Variants in SLC48A1 observed in about 807,000 individuals in gnomAD.
The protein encoded by SLC48A1 is solute carrier family 48 member 1, also known as heme transporter HRG1.
In SLC48A1, 6 loss-of-function variants were observed where a neutral mutation model predicts 14.8. That is an observed-to-expected ratio of 0.41 (90% CI 0.22 to 0.80). SLC48A1 has a LOEUF of 0.80. Ranked by LOEUF, SLC48A1 falls within the 30% of genes least tolerant of loss-of-function variation. SLC48A1 has a pLI of 0.34. For missense variants in SLC48A1, 165 were observed against 204.8 expected (o/e 0.81, Z 1.19); for synonymous variants, 89 against 90.0 (o/e 0.99, Z 0.06).
rs1942782406 is a variant in SLC48A1, at chr12:47,777,640, G to A, written c.137-1388G>A. ...GGTAACCAGAGCATAGCTCCACAGTGACAAGCTTCCTCCTGCCTTTTTCCC... is the reference window on the plus strand; with the variant it reads ...GGTAACCAGAGCATAGCTCCACAGTAACAAGCTTCCTCCTGCCTTTTTCCC... On this transcript the variant is annotated intron_variant, in intron 1 of 2. Coordinates refer to ENST00000442218, the MANE Select transcript of SLC48A1 (RefSeq NM_017842.3). The surrounding 1 kb of genome is among the most constrained non-coding windows in gnomAD (Gnocchi z 4.5). Among the ~76,000 whole-genome samples, 1 of 152,200 alleles carries A rather than the reference G, an allele frequency of 6.6e-6. No homozygotes were observed. The highest frequency in any genetic ancestry group is 2.1e-4 in the South Asian group (1 of 4,832).
At chr12:47,766,656 C>T (rs1029134285), upstream of SLC48A1, among the ~76,000 whole-genome samples, 7 of 152,128 alleles carry the variant, frequency 4.6e-5, no homozygotes, top group Non-Finnish European at 1.0e-4. Flanking sequence ...CCCCTCCCCT[C>T]CCCCTGACCC....
At chr12:47,772,740 A>T (rs1396067239), upstream of SLC48A1, among the ~76,000 whole-genome samples, 1 of 151,702 alleles carries the variant, frequency 6.6e-6, no homozygotes, top group Non-Finnish European at 1.5e-5. Context: ...GAATGTTTGC[A>T]GTCAGAAGGT....
At chr12:47,775,666 T>C (rs919654193) in intron 1 of SLC48A1, among the ~76,000 whole-genome samples, 5 of 152,186 alleles carry the variant, frequency 3.3e-5, no homozygotes, top group Admixed American at 6.5e-5. Flanking sequence ...GTTTTATAGC[T>C]CAGAATCTGC....
chr12:47,773,581 G>T, intron 1 of SLC48A1, 141 bp downstream of exon 1: 1 of 1,207,976 alleles, frequency 8.3e-7, no homozygotes, highest in Non-Finnish European at 1.0e-6. Context: ...GTTGGCGGCG[G>T]CAGGCCCCAC....
rs954921606 is a variant in SLC48A1, at chr12:47,760,139, A to G, written c.-372-77A>G. 1.9e-5 allele frequency: 17 copies of G among 903,550 alleles called. No homozygotes were observed. The Admixed American group carries it at 3.7e-4, about 20-fold the overall frequency. 56.0% of individuals were successfully genotyped at this position (903,550 alleles called of 1,614,324 possible). A position where few individuals can be genotyped will look rare whatever the true frequency, so the allele number is the denominator to read the frequency against. On this transcript the variant is annotated intron_variant, in intron 1 of 4. Coordinates refer to the SLC48A1 transcript ENST00000547002. ...GTTTCCCAGAAGCTTACTAAAATGC[A>G]GGCTCCGTCCCCAGCAATTCATATT...
chr12:47,754,347 C>T (rs1941929064), upstream of SLC48A1, among the ~76,000 whole-genome samples: 1 of 152,242 alleles, frequency 6.6e-6, no homozygotes, highest in Non-Finnish European at 1.5e-5. Flanking sequence ...CAAAGATAGA[C>T]AGGTTTGTTA....
intron 1 of SLC48A1, chr12:47,758,749 TTGGG>T: frequency 7.7e-7 from 1 of 1,290,910 alleles, no homozygotes; most frequent in Non-Finnish European, 9.8e-7. Context: ...GAGGCTCCTC[TTGGG>T]TGAGTAGAGG....
exon 2 of SLC48A1, chr12:47,760,315 A>G: frequency 1.0e-6 from 1 of 985,480 alleles, no homozygotes; most frequent in Non-Finnish European, 1.2e-6. Flanking sequence ...CTCAGACCCA[A>G]ATCCATTCAA....
chr12:47,780,097 C>A, intron 2 of SLC48A1, 48 bp from the exon 3 acceptor site: 1 of 1,488,444 alleles, frequency 6.7e-7, no homozygotes, highest in South Asian at 1.3e-5. Context: ...GTGCAGAGGC[C>A]GAGGGCAGGG....
upstream of SLC48A1, among the ~76,000 whole-genome samples, chr12:47,757,032 G>A (rs1281217281): frequency 1.3e-5 from 2 of 151,924 alleles, no homozygotes; most frequent in Non-Finnish European, 2.9e-5. Context: ...AGTGGGTCAC[G>A]CCTGTAATAC....
chr12:47,773,523 A>G, intron 1 of SLC48A1, 83 bp downstream of exon 1: 1 of 1,239,500 alleles, frequency 8.1e-7, no homozygotes, highest in Non-Finnish European at 1.0e-6. Context: ...GCTCCCCGCG[A>G]GCGGCGCTTC....
At chr12:47,759,187 G>T in intron 1 of SLC48A1, 1 of 833,572 alleles carries the variant, frequency 1.2e-6, no homozygotes, top group Non-Finnish European at 1.4e-6. Flanking sequence ...GCCGGGAGGA[G>T]AAATGCAAAC....
At chr12:47,759,262 G>T in intron 1 of SLC48A1, 1 of 282,562 alleles carries the variant, frequency 3.5e-6, no homozygotes, top group Non-Finnish European at 5.3e-6. Flanking sequence ...GGAAATCCGG[G>T]CTGGGGCCGC....
chr12:47,758,220 G>C (rs1000532101), upstream of SLC48A1: 13 of 1,437,640 alleles, frequency 9.0e-6, no homozygotes, highest in East Asian at 5.0e-5. Flanking sequence ...CCAGGAGCTG[G>C]GGGGAGGAAC....
chr12:47,773,536 C>A (rs1181559786), intron 1 of SLC48A1, 96 bp downstream of exon 1: 2 of 1,235,672 alleles, frequency 1.6e-6, no homozygotes, highest in East Asian at 3.4e-5. Flanking sequence ...GGCGCTTCCC[C>A]GCGGAGCGGG....
intron 1 of SLC48A1, chr12:47,758,938 C>T (rs1942267550): frequency 1.9e-6 from 2 of 1,030,000 alleles, no homozygotes; most frequent in African/African-American, 3.4e-5. Flanking sequence ...CCTTCCCCTC[C>T]CCAGGACTGG....
intron 2 of SLC48A1, among the ~76,000 whole-genome samples, chr12:47,761,767 G>C (rs1942385987): frequency 6.6e-6 from 1 of 152,140 alleles, no homozygotes; most frequent in Non-Finnish European, 1.5e-5. Context: ...ATAATAATAA[G>C]AATAGTCAAC....
At chr12:47,761,699 C>T (rs552107455) in intron 2 of SLC48A1, among the ~76,000 whole-genome samples, 45 of 152,286 alleles carry the variant, frequency 3.0e-4, no homozygotes, top group Admixed American at 7.2e-4. Context: ...GTCCTGGTAC[C>T]GCCTCCACCC....
At chr12:47,758,744 T>C in intron 1 of SLC48A1, 1 of 1,149,002 alleles carries the variant, frequency 8.7e-7, no homozygotes, top group Non-Finnish European at 1.1e-6. Context: ...GTGGAGAGGC[T>C]CCTCTTGGGT....
Sources: gnomAD v4.1 joint callset for allele counts (sites outside exome capture counted in the v4.1 genomes callset) on GRCh38, gnomAD v4.1.1 for gene constraint, Gnocchi (gnomAD v3.1) non-coding constraint, MANE v1.5 for transcripts, NCBI Gene and HGNC (gene_info 2026-07-23, HGNC 2026-07-21) for gene names.